Variants in KDM2B observed in about 807,000 individuals in gnomAD.
KDM2B encodes the protein lysine-specific demethylase 2B.
KDM2B carries 26 observed loss-of-function variants against 150.0 expected under a neutral mutation model. The observed-to-expected ratio is 0.17, with a 90% confidence interval of 0.13 to 0.24. KDM2B has a LOEUF of 0.24. Ranked by LOEUF, KDM2B falls within the 10% of genes least tolerant of loss-of-function variation. The pLI, the probability that KDM2B is intolerant of heterozygous loss-of-function variation, is 1.00. For synonymous variants in KDM2B, 734 were observed against 729.5 expected (o/e 1.01, Z -0.10); for missense variants, 1,265 against 1,816.9 (o/e 0.70, Z 5.52).
intron 12 of KDM2B, among the ~76,000 whole-genome samples, chr12:121,486,475 G>A (rs571275683): frequency 2.1e-5 from 3 of 146,334 alleles, no homozygotes; most frequent in Admixed American, 7.0e-5. Context: ...CACTGCGCCC[G>A]GCATTTTACC....
At chr12:121,579,559 G>GCCTCCCTGC (rs1199600934) in intron 1 of KDM2B, 9 of 1,294,534 alleles carry the variant, frequency 7.0e-6, no homozygotes, top group African/African-American at 1.5e-5. Context: ...GCTTGGAAGG[G>GCCTCCCTGC]GGAGAGGCAG....
chr12:121,582,213 C>G (rs1555318201), upstream of KDM2B, among the ~76,000 whole-genome samples: 1 of 151,002 alleles, frequency 6.6e-6, no homozygotes, highest in Non-Finnish European at 1.5e-5. Context: ...GAAATTAGGA[C>G]TAAGAAAAGC....
intron 22 of KDM2B, among the ~76,000 whole-genome samples, chr12:121,437,094 C>A (rs1874132915): frequency 6.6e-6 from 1 of 152,012 alleles, no homozygotes; most frequent in African/African-American, 2.4e-5. Flanking sequence ...AAGACAGAGA[C>A]CAAAGGAGTC....
intron 11 of KDM2B, among the ~76,000 whole-genome samples, chr12:121,502,858 G>A (rs1884708681): frequency 1.3e-5 from 2 of 151,236 alleles, no homozygotes; most frequent in African/African-American, 2.4e-5. Context: ...CTAGGAGGTC[G>A]AGGCTATGGA....
At chr12:121,439,062 CGACA>C (rs1435475739) in intron 22 of KDM2B, among the ~76,000 whole-genome samples, 19 of 152,276 alleles carry the variant, frequency 1.2e-4, no homozygotes, top group Admixed American at 6.5e-4. Context: ...TGCACCACAG[CGACA>C]GACAGAGAAC....
Position 121,575,278 on chromosome 12 carries a change from GCT to G in KDM2B, c.350+501_350+502del, listed in dbSNP as rs1232212698. Among the ~76,000 whole-genome samples, 2 of 152,210 alleles carry G rather than the reference GCT, an allele frequency of 1.3e-5. No homozygotes were observed. Among genetic ancestry groups the G allele is most frequent in the Non-Finnish European group, 2.9e-5 (2 of 68,040 alleles). On this transcript the variant is annotated intron_variant, in intron 3 of 22. Transcript: ENST00000377071. This position sits in a 1 kb window ranked among gnomAD's most constrained non-coding sequence, Gnocchi z 4.4. The stretch of plus-strand genomic sequence containing the variant: ...TCCCAGACCTCTCCCCCAACCTGGA[GCT>G]CTGACAGATCTCAGTGAATGAAAAC...
chr12:121,574,719 G>A (rs1891386104), intron 3 of KDM2B, 126 bp from the exon 4 acceptor site: 6 of 811,484 alleles, frequency 7.4e-6, no homozygotes, highest in Non-Finnish European at 1.2e-5. Flanking sequence ...AACTCAAAAT[G>A]AGAACATCCA....
chr12:121,547,614 G>A (rs1250723367), intron 6 of KDM2B, among the ~76,000 whole-genome samples: 8 of 150,578 alleles, frequency 5.3e-5, no homozygotes, highest in Non-Finnish European at 1.2e-4. Context: ...CAATGGCCCT[G>A]CCTGGGACAG....
At chr12:121,508,447 T>C (rs1384747254) in intron 11 of KDM2B, among the ~76,000 whole-genome samples, 1 of 152,040 alleles carries the variant, frequency 6.6e-6, no homozygotes, top group South Asian at 2.1e-4. Context: ...CCTAAGTAAA[T>C]ACAATGAACA....
intron 7 of KDM2B, among the ~76,000 whole-genome samples, chr12:121,534,198 A>T (rs1311553767): frequency 5.3e-5 from 8 of 151,964 alleles, no homozygotes; most frequent in African/African-American, 4.8e-5. Context: ...AAATACAAAA[A>T]ATTAGCAGGG....
intron 12 of KDM2B, among the ~76,000 whole-genome samples, chr12:121,455,990 T>C (rs1156408141): frequency 6.6e-6 from 1 of 152,214 alleles, no homozygotes; most frequent in Non-Finnish European, 1.5e-5. Context: ...ATGACGGCCA[T>C]GCCGCGTGAG....
chr12:121,552,856 T>G (rs1450325949), intron 4 of KDM2B, among the ~76,000 whole-genome samples: 5 of 152,032 alleles, frequency 3.3e-5, no homozygotes, highest in African/African-American at 4.8e-5. Context: ...CAAGGCTAGC[T>G]CCTTCCTTAC....
chr12:121,559,764 A>G (rs141384169), intron 4 of KDM2B, among the ~76,000 whole-genome samples: 2,052 of 152,100 alleles, frequency 0.013, 50 homozygotes, highest in African/African-American at 0.044. Flanking sequence ...TTAGTCAGGC[A>G]TGGTGGCGCA....
rs530927806 is a variant in KDM2B at position 121,461,837 on chromosome 12, G to C, written c.1735-8493C>G. Among the ~76,000 whole-genome samples, 5 of 152,246 alleles carry C rather than the reference G, an allele frequency of 3.3e-5. No individual in the cohort carries two copies. The South Asian group carries it at 1.0e-3, about 32-fold the overall frequency. On this transcript the variant is annotated intron_variant, in intron 12 of 22. Coordinates refer to ENST00000377071, the MANE Select transcript of KDM2B (RefSeq NM_032590.5). Reference sequence around the variant, plus strand: ...CAGGGGGAATGGAAGAGTGAAAAGAGAACTCCAACAGTCCCTTCAAGACTG... The same window carrying C: ...CAGGGGGAATGGAAGAGTGAAAAGACAACTCCAACAGTCCCTTCAAGACTG...
chr12:121,564,106 C>A (rs1307276074), intron 4 of KDM2B, among the ~76,000 whole-genome samples: 1 of 151,722 alleles, frequency 6.6e-6, no homozygotes, highest in Non-Finnish European at 1.5e-5. Context: ...CAGAGCAGAA[C>A]CCCCCACAAC....
chr12:121,581,717 GA>G (rs1363942001), upstream of KDM2B, among the ~76,000 whole-genome samples: 3 of 152,188 alleles, frequency 2.0e-5, no homozygotes, highest in African/African-American at 7.2e-5. Context: ...TGCAGATAGG[GA>G]AACTGAAGCT....
chr12:121,509,354 AC>A, intron 11 of KDM2B, among the ~76,000 whole-genome samples: 1 of 150,808 alleles, frequency 6.6e-6, no homozygotes, highest in Non-Finnish European at 1.5e-5. Flanking sequence ...GAGCCACCCC[AC>A]CCACCCTCTG....
At chr12:121,415,960 G>T in the KDM2B span, among the ~76,000 whole-genome samples, 1 of 151,118 alleles carries the variant, frequency 6.6e-6, no homozygotes, top group South Asian at 2.1e-4. Flanking sequence ...AGAGATCATG[G>T]GTATTGGCAA....
chr12:121,480,895 A>C (rs1169807696), intron 12 of KDM2B, among the ~76,000 whole-genome samples: 1 of 152,024 alleles, frequency 6.6e-6, no homozygotes, highest in African/African-American at 2.4e-5. Context: ...GACAAGAAAA[A>C]AAATGCTCTT....
Sources: allele counts gnomAD v4.1 joint callset (sites outside exome capture counted in the v4.1 genomes callset), GRCh38; gene constraint gnomAD v4.1.1; non-coding constraint Gnocchi (gnomAD v3.1); transcripts MANE v1.5; gene names NCBI Gene and HGNC (gene_info 2026-07-23, HGNC 2026-07-21).